The following PREX2 variants were observed in gnomAD, a reference collection of about 807,000 sequenced individuals.
PREX2 encodes phosphatidylinositol-3,4,5-trisphosphate dependent Rac exchange factor 2.
Under a neutral mutation model 203.2 loss-of-function variants are expected in PREX2, and 107 were observed. The ratio of observed to expected loss-of-function variants is 0.53; its 90% CI spans 0.45 to 0.62. The LOEUF (loss-of-function observed/expected upper bound fraction) is 0.62. PREX2 is among the 20% of genes least tolerant of loss of function. The pLI is 0.00. For synonymous variants in PREX2, 672 were observed against 663.6 expected (o/e 1.01, Z -0.19); for missense variants, 1,777 against 1,955.9 (o/e 0.91, Z 1.72).
chr8:68,109,123 A>T, intron 24 of PREX2: 1 of 445,162 alleles, frequency 2.2e-6, no homozygotes, highest in Admixed American at 3.3e-5. Context: ...AGTTCAAGAG[A>T]TATATTGTAT....
chr8:68,181,185 T>G (rs1218391551), intron 35 of PREX2, among the ~76,000 whole-genome samples: 1 of 152,192 alleles, frequency 6.6e-6, no homozygotes, highest in Non-Finnish European at 1.5e-5. Flanking sequence ...CAATTCCAGC[T>G]ATTTCCTTAA....
intron 1 of PREX2, among the ~76,000 whole-genome samples, chr8:67,966,343 C>T (rs1805778325): frequency 1.3e-5 from 2 of 151,898 alleles, no homozygotes; most frequent in African/African-American, 2.4e-5. Flanking sequence ...ATTTCTTTTC[C>T]AGTATGTCAC....
At chr8:68,011,582 C>T (rs1230859784) in intron 1 of PREX2, among the ~76,000 whole-genome samples, 1 of 151,982 alleles carries the variant, frequency 6.6e-6, no homozygotes, top group Non-Finnish European at 1.5e-5. Context: ...TAGATAGGCC[C>T]TGTGTTAATT....
chr8:68,195,364 T>C (rs1812373986), intron 37 of PREX2, among the ~76,000 whole-genome samples: 1 of 152,226 alleles, frequency 6.6e-6, no homozygotes, highest in African/African-American at 2.4e-5. Flanking sequence ...TCACGAGACA[T>C]TTACCAAGCT....
chr8:68,181,935 C>A (rs1812092833), intron 35 of PREX2, among the ~76,000 whole-genome samples: 1 of 151,964 alleles, frequency 6.6e-6, no homozygotes, highest in South Asian at 2.1e-4. Flanking sequence ...TACGTCACAG[C>A]AGATACTGAA....
intron 11 of PREX2, among the ~76,000 whole-genome samples, chr8:68,061,617 A>G (rs1023832771): frequency 2.6e-5 from 4 of 152,168 alleles, no homozygotes; most frequent in African/African-American, 9.7e-5. Context: ...GTGGGTGATG[A>G]AGAATGAAGA....
chr8:68,194,674 G>A (rs1812361001), intron 37 of PREX2, among the ~76,000 whole-genome samples: 1 of 151,766 alleles, frequency 6.6e-6, no homozygotes, highest in African/African-American at 2.4e-5. Context: ...GGTGGCAAAT[G>A]CCTGTAGTCC....
intron 35 of PREX2, among the ~76,000 whole-genome samples, chr8:68,181,474 G>A (rs1401626891): frequency 6.6e-6 from 1 of 152,040 alleles, no homozygotes; most frequent in Non-Finnish European, 1.5e-5. Context: ...ATTCCATACT[G>A]CTTCAGTTGA....
intron 30 of PREX2, among the ~76,000 whole-genome samples, chr8:68,126,302 A>G (rs1044634648): frequency 6.6e-6 from 1 of 152,136 alleles, no homozygotes; most frequent in East Asian, 1.9e-4. Flanking sequence ...TCACCTGTAT[A>G]TAGGATTTTA....
At chr8:68,076,685 TCACACACACA>T (rs57701553) in intron 14 of PREX2, among the ~76,000 whole-genome samples, 36,928 of 143,662 alleles carry the variant, frequency 0.26, 4,847 homozygotes, top group Middle Eastern at 0.36. Context: ...AACTCTAAGG[TCACACACACA>T]CACACACACA....
intron 35 of PREX2, among the ~76,000 whole-genome samples, chr8:68,182,212 G>A (rs984247051): frequency 1.3e-5 from 2 of 152,094 alleles, no homozygotes; most frequent in African/African-American, 4.8e-5. Flanking sequence ...CAGTATAATA[G>A]CATGCAACCA....
Position 68,093,870 on chromosome 8 carries a change from A to G in PREX2, c.2368+148A>G, listed in dbSNP as rs1434077942. On this transcript the variant is annotated intron_variant, in intron 21 of 39. Transcript: ENST00000288368. ...ACAGATGTCTGTCAAATGCATAAGT[A>G]ATAATAGCTAGTAGCTGGCAAATTC... 1.9e-5 allele frequency: 9 copies of G among 464,576 alleles called. No homozygotes were observed. The East Asian group carries it at 2.2e-4, about 11-fold the overall frequency. The allele number at this position is 464,576 out of a possible 1,614,324, so 28.8% of individuals were successfully genotyped here.
intron 6 of PREX2, among the ~76,000 whole-genome samples, chr8:68,037,164 T>A (rs1238041252): frequency 6.6e-6 from 1 of 152,194 alleles, no homozygotes; most frequent in Non-Finnish European, 1.5e-5. Context: ...TTCTAAATTT[T>A]AAATATGAAA....
chr8:68,179,075 C>T (rs926243092), intron 35 of PREX2, among the ~76,000 whole-genome samples: 2 of 151,940 alleles, frequency 1.3e-5, no homozygotes, highest in African/African-American at 2.4e-5. Flanking sequence ...TGTGATGTGG[C>T]CCTACTGTGC....
At chr8:67,984,736 C>A (rs1474562204) in intron 1 of PREX2, among the ~76,000 whole-genome samples, 1 of 152,170 alleles carries the variant, frequency 6.6e-6, no homozygotes. Context: ...ATGGGAAGTA[C>A]AGCTGAGGAC....
chr8:68,028,166 T>C (rs972614826), intron 5 of PREX2, among the ~76,000 whole-genome samples: 1 of 152,002 alleles, frequency 6.6e-6, no homozygotes, highest in Non-Finnish European at 1.5e-5. Flanking sequence ...ATGATGAATT[T>C]ATAGCACAGA....
intron 1 of PREX2, among the ~76,000 whole-genome samples, chr8:67,969,041 G>A (rs544770296): frequency 6.6e-6 from 1 of 152,308 alleles, no homozygotes; most frequent in South Asian, 2.1e-4. Context: ...ACTCTGCTCA[G>A]CGTCTTAATG....
chr8:68,049,045 A>G (rs1181220312), intron 8 of PREX2, among the ~76,000 whole-genome samples: 1 of 150,928 alleles, frequency 6.6e-6, no homozygotes, highest in Admixed American at 6.6e-5. Flanking sequence ...TTAAGGGAGT[A>G]TATTTGGGAG....
chr8:68,114,742 A>G (rs1810607011), intron 25 of PREX2, among the ~76,000 whole-genome samples: 1 of 152,042 alleles, frequency 6.6e-6, no homozygotes, highest in Admixed American at 6.6e-5. Flanking sequence ...CCCCATCCTC[A>G]CATTGTATGT....
Sources: gnomAD v4.1 joint callset for allele counts (sites outside exome capture counted in the v4.1 genomes callset) on GRCh38, gnomAD v4.1.1 for gene constraint, MANE v1.5 for transcripts, NCBI Gene and HGNC (gene_info 2026-07-23, HGNC 2026-07-21) for gene names.